Variants in UTS2 observed in about 807,000 individuals in gnomAD.
UTS2 encodes the protein urotensin-2.
Under a neutral mutation model 12.6 loss-of-function variants are expected in UTS2, and 10 were observed. The ratio of observed to expected loss-of-function variants is 0.80; its 90% CI spans 0.49 to 1.35. The LOEUF (loss-of-function observed/expected upper bound fraction) is 1.35, where lower values mean the gene tolerates loss of function less well. UTS2 is among the 40% of genes most tolerant of loss of function. UTS2 has a pLI of 0.00. For synonymous variants in UTS2, 52 were observed against 50.0 expected, an observed-to-expected ratio of 1.04 and a Z score of -0.17; for missense variants, 142 against 143.2, an observed-to-expected ratio of 0.99 and a Z score of 0.04.
the UTS2 span, among the ~76,000 whole-genome samples, chr1:7,877,141 AAGAAAAAAAAAAGAAACATGAAAAAAC>A: frequency 1.8e-5 from 1 of 55,086 alleles, no homozygotes; most frequent in African/African-American, 6.6e-5. Flanking sequence ...AAAAAAAAAA[AAGAAAAAAAAAAGAAACATGAAAAAAC>A]AAGAAACATG....
the UTS2 span, among the ~76,000 whole-genome samples, chr1:7,912,913 TC>T: frequency 1.1e-4 from 17 of 151,476 alleles, no homozygotes; most frequent in South Asian, 4.2e-4. Flanking sequence ...ATTTTTTTTT[TC>T]TCTCTCTCTC....
the UTS2 span, among the ~76,000 whole-genome samples, chr1:7,862,152 A>AT: frequency 3.3e-5 from 5 of 151,542 alleles, no homozygotes; most frequent in African/African-American, 4.8e-5. Flanking sequence ...ACCTCAGGTG[A>AT]TTCCCCCCCC....
chr1:7,902,977 T>A, the UTS2 span, among the ~76,000 whole-genome samples: 16 of 151,432 alleles, frequency 1.1e-4, no homozygotes, highest in Non-Finnish European at 1.5e-4. Flanking sequence ...TCCAGTTTAC[T>A]GTCTGGCTTT....
the UTS2 span, among the ~76,000 whole-genome samples, chr1:7,871,249 C>T: frequency 6.6e-6 from 1 of 152,208 alleles, no homozygotes; most frequent in Non-Finnish European, 1.5e-5. Context: ...GTGAGATCGT[C>T]CCTGTTCAGT....
intron 2 of UTS2, among the ~76,000 whole-genome samples, chr1:7,849,976 T>TG (rs1463547477): frequency 6.6e-6 from 1 of 151,310 alleles, no homozygotes; most frequent in African/African-American, 2.4e-5. Flanking sequence ...TCAAATTTTT[T>TG]TTTTTTTTTT....
the UTS2 span, among the ~76,000 whole-genome samples, chr1:7,865,281 C>T: frequency 1.2e-5 from 1 of 83,578 alleles, no homozygotes; most frequent in Admixed American, 1.1e-4. Context: ...ATACCATCTT[C>T]CCCCTGTGTC....
chr1:7,872,475 T>G, the UTS2 span, among the ~76,000 whole-genome samples: 1 of 152,042 alleles, frequency 6.6e-6, no homozygotes, highest in Non-Finnish European at 1.5e-5. Flanking sequence ...GCTATTCCAG[T>G]GAACACATTA....
At chr1:7,873,873 A>C in the UTS2 span, among the ~76,000 whole-genome samples, 1 of 152,136 alleles carries the variant, frequency 6.6e-6, no homozygotes, top group East Asian at 1.9e-4. Flanking sequence ...CTACAGAGGA[A>C]TGTTTTTGAA....
chr1:7,895,415 T>C, the UTS2 span, among the ~76,000 whole-genome samples: 2 of 152,078 alleles, frequency 1.3e-5, no homozygotes, highest in Non-Finnish European at 2.9e-5. Context: ...ACTGAAAATG[T>C]CTACAGTGAT....
upstream of UTS2, chr1:7,853,584 C>T: frequency 9.1e-7 from 1 of 1,099,084 alleles, no homozygotes; most frequent in Non-Finnish European, 1.3e-6. Context: ...TTGCTCCAGG[C>T]TCAAGACAAT....
the UTS2 span, among the ~76,000 whole-genome samples, chr1:7,880,225 T>C: frequency 6.6e-6 from 1 of 152,090 alleles, no homozygotes; most frequent in African/African-American, 2.4e-5. Flanking sequence ...GCCACTGCAC[T>C]CTAGCCCGGG....
chr1:7,893,712 C>T, the UTS2 span, among the ~76,000 whole-genome samples: 1 of 152,172 alleles, frequency 6.6e-6, no homozygotes, highest in East Asian at 1.9e-4. Flanking sequence ...CTGGAGGGCA[C>T]AGTCGCAGGG....
chr1:7,891,123 G>C, the UTS2 span, among the ~76,000 whole-genome samples: 13 of 152,140 alleles, frequency 8.5e-5, no homozygotes, highest in African/African-American at 2.7e-4. Flanking sequence ...ATTATGATGA[G>C]TGAAAGAAAC....
At chr1:7,884,302 ATTT>A in the UTS2 span, among the ~76,000 whole-genome samples, 1 of 140,136 alleles carries the variant, frequency 7.1e-6, no homozygotes. Context: ...ATAACATCTG[ATTT>A]TTTTTTTTTT....
chr1:7,886,893 TAC>T, the UTS2 span, among the ~76,000 whole-genome samples: 1 of 151,452 alleles, frequency 6.6e-6, no homozygotes, highest in African/African-American at 2.4e-5. Context: ...CTACTAAAAA[TAC>T]AAAGATTAGC....
the UTS2 span, among the ~76,000 whole-genome samples, chr1:7,890,844 CA>C: frequency 0.39 from 44,062 of 111,982 alleles, 6,952 homozygotes; most frequent in Non-Finnish European, 0.43. Flanking sequence ...AAGACTGTCT[CA>C]AAAAAAAAAA....
chr1:7,900,807 T>C, the UTS2 span, among the ~76,000 whole-genome samples: 1 of 152,236 alleles, frequency 6.6e-6, no homozygotes, highest in East Asian at 1.9e-4. Flanking sequence ...TTTCATGTTT[T>C]TGCCTCTTTT....
chr1:7,868,292 G>C, the UTS2 span, among the ~76,000 whole-genome samples: 59,615 of 152,088 alleles, frequency 0.39, 12,528 homozygotes, highest in African/African-American at 0.53. Flanking sequence ...GGTGATGGCT[G>C]TCTTGTGGGC....
upstream of UTS2, chr1:7,853,644 A>G: frequency 3.9e-6 from 2 of 514,686 alleles, no homozygotes; most frequent in Non-Finnish European, 6.7e-6. Context: ...TTCAATCTTC[A>G]GAGAAAGGAA....
Sources: gnomAD v4.1 joint callset for allele counts (sites outside exome capture counted in the v4.1 genomes callset) on GRCh38, gnomAD v4.1.1 for gene constraint, MANE v1.5 for transcripts, NCBI Gene and HGNC (gene_info 2026-07-23, HGNC 2026-07-21) for gene names.